The following TMX4 variants were observed in gnomAD, a reference collection of about 807,000 sequenced individuals.
TMX4 encodes the protein thioredoxin related transmembrane protein 4, also known as thioredoxin-related transmembrane protein 4.
TMX4 carries 23 observed loss-of-function variants against 33.3 expected under a neutral mutation model. The ratio of observed to expected loss-of-function variants is 0.69; its 90% CI spans 0.50 to 0.98. The LOEUF is 0.98. TMX4 is among the 50% of genes least tolerant of loss of function. The pLI, the probability that TMX4 is intolerant of heterozygous loss-of-function variation, is 0.00. For synonymous variants in TMX4, 164 were observed against 161.5 expected (o/e 1.02, Z -0.12); for missense variants, 399 against 448.9 (o/e 0.89, Z 1.01).
chr20:7,988,642 C>T (rs1388869979), intron 5 of TMX4, among the ~76,000 whole-genome samples: 2 of 152,170 alleles, frequency 1.3e-5, no homozygotes, highest in African/African-American at 4.8e-5. Flanking sequence ...ATACGAAAGG[C>T]AAACACACTC....
At chr20:8,008,420 G>T (rs1380040984) in intron 2 of TMX4, among the ~76,000 whole-genome samples, 1 of 151,970 alleles carries the variant, frequency 6.6e-6, no homozygotes, top group Non-Finnish European at 1.5e-5. Context: ...AACATTGAAT[G>T]TATTAAAAAT....
At chr20:8,000,622 C>A (rs1305207846) in intron 3 of TMX4, among the ~76,000 whole-genome samples, 2 of 152,152 alleles carry the variant, frequency 1.3e-5, no homozygotes, top group African/African-American at 2.4e-5. Context: ...GTCTTCCTTG[C>A]AGATGTCCTA....
intron 1 of TMX4, among the ~76,000 whole-genome samples, chr20:8,015,007 TC>T (rs1214402797): frequency 6.7e-6 from 1 of 148,848 alleles, no homozygotes; most frequent in African/African-American, 2.4e-5. Flanking sequence ...CTTCTTTTTT[TC>T]TTTTTTTTTT....
chr20:7,994,271 T>C (rs2050667060), intron 5 of TMX4, among the ~76,000 whole-genome samples: 1 of 152,138 alleles, frequency 6.6e-6, no homozygotes. Context: ...GAAAAACATA[T>C]TCATTAGTTA....
At chr20:8,010,639 GCT>G (rs2050748995) in intron 1 of TMX4, among the ~76,000 whole-genome samples, 1 of 152,054 alleles carries the variant, frequency 6.6e-6, no homozygotes, top group Non-Finnish European at 1.5e-5. Flanking sequence ...GAGGGTAAGA[GCT>G]CTTTTTAGTG....
At chr20:8,015,087 CAGTT>C (rs1351410108) in intron 1 of TMX4, among the ~76,000 whole-genome samples, 1 of 151,044 alleles carries the variant, frequency 6.6e-6, no homozygotes, top group Non-Finnish European at 1.5e-5. Flanking sequence ...TCAAATAAAA[CAGTT>C]AGTTGGAACA....
At chr20:8,019,008 A>T (rs1395907759) in intron 1 of TMX4, 1 of 451,846 alleles carries the variant, frequency 2.2e-6, no homozygotes, top group East Asian at 7.8e-5. Context: ...GATGTCACTG[A>T]ATGTCCTTTC....
intron 5 of TMX4, among the ~76,000 whole-genome samples, chr20:7,995,304 C>A (rs114811153): frequency 0.011 from 1,634 of 152,194 alleles, 18 homozygotes; most frequent in Middle Eastern, 0.027. Context: ...ATTCCAGAGC[C>A]ATTTTGTTCA....
Position 8,019,469 on chromosome 20 carries a change from G to A in TMX4, c.145C>T (p.Leu49=). The A allele has an allele frequency of 2.0e-6, 3 of 1,517,750 alleles. No homozygotes were observed. Among genetic ancestry groups the A allele is most frequent in the Non-Finnish European group, 2.6e-6 (3 of 1,132,164 alleles). The allele number at this position is 1,517,750 out of a possible 1,614,324, so 94.0% of individuals were successfully genotyped here. The change falls in exon 1 of 8, where the codon CTG becomes TTG. Residue 49 remains leucine, a synonymous_variant. Coordinates refer to ENST00000246024, the MANE Select transcript of TMX4 (RefSeq NM_021156.4). ...AGCATCCACTCGCCCTCCATCACCA[G>A]CGTCCAGTTGGAGGCGGTCATGGGC... ...VQPMTASNWT[L]VMEGEWMLKF...
At chr20:7,991,858 G>A (rs1336582249) in intron 5 of TMX4, among the ~76,000 whole-genome samples, 1 of 152,048 alleles carries the variant, frequency 6.6e-6, no homozygotes, top group Non-Finnish European at 1.5e-5. Context: ...AGGATTCAGG[G>A]GCCTACACAT....
Position 8,001,480 on chromosome 20 carries a change from G to C in TMX4, c.338+16C>G. On this transcript the variant is annotated intron_variant, in intron 3 of 7. Transcript: ENST00000246024. The stretch of plus-strand genomic sequence containing the variant: ...ATTTCTAATATTTGCAAGATTAGAA[G>C]ATTATTTAAACTTACTGAAAAAATG... 6.3e-7 allele frequency: 1 copy of C among 1,583,604 alleles called. No individual in the cohort carries two copies. The highest frequency in any genetic ancestry group is 8.6e-7 in the Non-Finnish European group (1 of 1,161,772).
At chr20:8,009,226 AAC>A (rs2050742527) in intron 2 of TMX4, among the ~76,000 whole-genome samples, 1 of 152,164 alleles carries the variant, frequency 6.6e-6, no homozygotes, top group Non-Finnish European at 1.5e-5. Flanking sequence ...TAAAACTACA[AAC>A]ACAAATTTAT....
In TMX4 at chr20:7,982,586, C is replaced by A; in HGVS notation, c.715G>T (p.Glu239Ter). 6.2e-7 allele frequency: 1 copy of A among 1,613,458 alleles called. No homozygotes were observed. The highest frequency in any genetic ancestry group is 8.5e-7 in the Non-Finnish European group (1 of 1,179,976). The change falls in exon 8 of 8, where the codon GAA becomes TAA. Residue 239 changes from glutamate to a stop codon, truncating the protein, a stop_gained. Coordinates refer to ENST00000246024, the MANE Select transcript of TMX4 (RefSeq NM_021156.4). LOFTEE classifies it low-confidence loss of function (END_TRUNC). ...TCCTCCTCCGCATCCTGCAACTGTT[C>A]AGCTCTATGAGCCTCCTCTGATCTC... The part of the protein sequence containing the change: ...NRRSEEAHRA[E>*]QLQDAEEEKD...
chr20:8,005,092 C>T (rs1018880951), intron 2 of TMX4, among the ~76,000 whole-genome samples: 4 of 152,100 alleles, frequency 2.6e-5, no homozygotes, highest in African/African-American at 7.2e-5. Flanking sequence ...CACTAAAGTA[C>T]AGTAAACTAA....
At position 7,987,333 on chromosome 20, in the gene TMX4, G is replaced by C. The variant is rs17425725; in HGVS notation, c.570C>G (p.Val190=). 226,402 of 1,594,406 alleles carry C rather than the reference G, an allele frequency of 0.14. 17,704 individuals carry two copies. Among genetic ancestry groups the C allele is most frequent in the Non-Finnish European group, 0.16 (188,151 of 1,173,096 alleles). ...AAACCAAGGTGGCTATGACGAAAAA[G>C]ACATAAGAACACCAAGCAGGAATTC... ...TLGIPAWCSY[V]FFVIATLVFG... The change falls in exon 6 of 8, where the codon GTC becomes GTG. Residue 190 remains valine, a synonymous_variant. Transcript: ENST00000246024.
At position 7,998,934 on chromosome 20, in the gene TMX4, T is replaced by C. The variant is rs1042345664; in HGVS notation, c.467+798A>G. 3.9e-5 allele frequency among the ~76,000 whole-genome samples: 6 copies of C among 152,194 alleles called. No homozygotes were observed. In the East Asian group the frequency reaches 1.2e-3, roughly 29 times the overall value. ...CAACTATGATTCTCTGTACCTGAGG[T>C]GAATGTCTGTCTTGTTCAGTGTTGA... On this transcript the variant is annotated intron_variant, in intron 4 of 7. Transcript: ENST00000246024.
intron 5 of TMX4, among the ~76,000 whole-genome samples, chr20:7,987,634 G>A (rs374167578): frequency 2.3e-4 from 35 of 152,142 alleles, no homozygotes; most frequent in East Asian, 1.9e-3. Context: ...TGGTAGAATC[G>A]TTTTGATAGT....
intron 2 of TMX4, among the ~76,000 whole-genome samples, chr20:8,008,513 C>T (rs1050546312): frequency 2.6e-5 from 4 of 152,076 alleles, no homozygotes; most frequent in African/African-American, 9.7e-5. Context: ...TGTAAGTCTA[C>T]ATTTTTAGAA....
chr20:8,003,140 T>C (rs1321235442), intron 2 of TMX4, among the ~76,000 whole-genome samples: 1 of 152,176 alleles, frequency 6.6e-6, no homozygotes, highest in Non-Finnish European at 1.5e-5. Context: ...TATTCCTAAA[T>C]ACTTAAAAAA....
Sources: gnomAD v4.1 joint callset for allele counts (sites outside exome capture counted in the v4.1 genomes callset) on GRCh38, gnomAD v4.1.1 for gene constraint, MANE v1.5 for transcripts, NCBI Gene and HGNC (gene_info 2026-07-23, HGNC 2026-07-21) for gene names.